The following RASEF variants were observed in gnomAD, a reference collection of about 807,000 sequenced individuals.
RASEF encodes RAS and EF-hand domain containing, also known as ras and EF-hand domain-containing protein.
Under a neutral mutation model 90.1 loss-of-function variants are expected in RASEF, and 68 were observed. The ratio of observed to expected loss-of-function variants is 0.75; its 90% confidence interval spans 0.62 to 0.92. The LOEUF is 0.92. Ranked by LOEUF, RASEF falls within the 40% of genes least tolerant of loss-of-function variation. The pLI is 0.00. For synonymous variants in RASEF, 331 were observed against 345.2 expected (o/e 0.96, Z 0.46); for missense variants, 949 against 937.2 (o/e 1.01, Z -0.16).
At chr9:83,025,277 C>T (rs1245660140) in intron 2 of RASEF, among the ~76,000 whole-genome samples, 2 of 152,090 alleles carry the variant, frequency 1.3e-5, no homozygotes, top group Non-Finnish European at 1.5e-5. Context: ...TGCTGAGCAC[C>T]CACCATGTGG....
chr9:83,192,726 A>T, the RASEF span, among the ~76,000 whole-genome samples: 1 of 151,964 alleles, frequency 6.6e-6, no homozygotes, highest in African/African-American at 2.4e-5. Flanking sequence ...AAAAAAAAAA[A>T]ATTCCATTAA....
At chr9:83,020,464 G>C (rs1829421549) in intron 3 of RASEF, among the ~76,000 whole-genome samples, 1 of 152,204 alleles carries the variant, frequency 6.6e-6, no homozygotes, top group South Asian at 2.1e-4. Flanking sequence ...TTAGAAAGGT[G>C]TGAGGCGGAC....
the RASEF span, among the ~76,000 whole-genome samples, chr9:83,105,265 CAA>C: frequency 2.6e-5 from 4 of 152,102 alleles, no homozygotes; most frequent in Admixed American, 6.5e-5. Flanking sequence ...CAAAGAGTCA[CAA>C]AGTCAAATGA....
At chr9:83,129,590 GA>G in the RASEF span, among the ~76,000 whole-genome samples, 1 of 152,160 alleles carries the variant, frequency 6.6e-6, no homozygotes, top group African/African-American at 2.4e-5. Flanking sequence ...ATATTAAATA[GA>G]AGCTTCATCA....
chr9:83,013,201 G>GAACAAC (rs201832525), intron 4 of RASEF, among the ~76,000 whole-genome samples: 4 of 151,796 alleles, frequency 2.6e-5, no homozygotes, highest in African/African-American at 4.8e-5. Flanking sequence ...ATAACCTGGA[G>GAACAAC]AACAACAACA....
At chr9:83,200,593 T>A in the RASEF span, among the ~76,000 whole-genome samples, 8 of 152,170 alleles carry the variant, frequency 5.3e-5, no homozygotes, top group Admixed American at 1.3e-4. Flanking sequence ...AATGCTATTG[T>A]CTCCCTTTGC....
At chr9:83,023,561 C>T (rs1829481838) in intron 2 of RASEF, among the ~76,000 whole-genome samples, 1 of 152,180 alleles carries the variant, frequency 6.6e-6, no homozygotes, top group African/African-American at 2.4e-5. Context: ...AGGAAAAAGA[C>T]CCCAAAGTAA....
chr9:83,197,778 C>T, the RASEF span, among the ~76,000 whole-genome samples: 1 of 152,034 alleles, frequency 6.6e-6, no homozygotes, highest in African/African-American at 2.4e-5. Context: ...CTTTTTGCTT[C>T]CGTTAGTCTG....
At chr9:83,063,949 G>A (rs1830259088), upstream of RASEF, among the ~76,000 whole-genome samples, 1 of 151,960 alleles carries the variant, frequency 6.6e-6, no homozygotes, top group African/African-American at 2.4e-5. Flanking sequence ...TTATGTAACC[G>A]TGCCTTTAGG....
At chr9:83,075,718 A>G in the RASEF span, among the ~76,000 whole-genome samples, 2 of 152,308 alleles carry the variant, frequency 1.3e-5, no homozygotes, top group African/African-American at 4.8e-5. Flanking sequence ...ATAATGGAGA[A>G]ATATACATTT....
At chr9:83,020,945 C>T (rs945249427) in intron 3 of RASEF, among the ~76,000 whole-genome samples, 1 of 152,182 alleles carries the variant, frequency 6.6e-6, no homozygotes, top group African/African-American at 2.4e-5. Context: ...TTATCCATTG[C>T]TCTGAAGCTG....
the RASEF span, among the ~76,000 whole-genome samples, chr9:83,157,202 G>A: frequency 6.6e-6 from 1 of 152,198 alleles, no homozygotes; most frequent in Non-Finnish European, 1.5e-5. Flanking sequence ...TAAGTGATAG[G>A]TTAGTGTGCG....
the RASEF span, among the ~76,000 whole-genome samples, chr9:83,178,597 G>A: frequency 6.6e-6 from 1 of 152,048 alleles, no homozygotes; most frequent in Admixed American, 6.6e-5. Flanking sequence ...CCAGCACCAC[G>A]AATCCAACTG....
At chr9:83,082,755 TTGACA>T in the RASEF span, among the ~76,000 whole-genome samples, 10 of 152,216 alleles carry the variant, frequency 6.6e-5, no homozygotes, top group African/African-American at 2.4e-4. Flanking sequence ...TCTATTTGTT[TTGACA>T]GTTTTTCTCA....
intron 4 of RASEF, among the ~76,000 whole-genome samples, 194 bp downstream of exon 4, chr9:83,015,611 C>T (rs765074746): frequency 7.2e-5 from 11 of 152,106 alleles, no homozygotes; most frequent in Admixed American, 1.3e-4. Flanking sequence ...ATCCAGGAGG[C>T]GGAGGTTGCA....
At chr9:82,997,496 G>A (rs1300143133) in intron 13 of RASEF, among the ~76,000 whole-genome samples, 1 of 152,146 alleles carries the variant, frequency 6.6e-6, no homozygotes, top group East Asian at 1.9e-4. Context: ...ATACGAACTA[G>A]AGAATACTTA....
chr9:83,166,878 A>T, the RASEF span, among the ~76,000 whole-genome samples: 1 of 152,144 alleles, frequency 6.6e-6, no homozygotes, highest in Non-Finnish European at 1.5e-5. Flanking sequence ...AACAGAGCAG[A>T]TCTCTTTATC....
chr9:83,176,993 A>G, the RASEF span, among the ~76,000 whole-genome samples: 1 of 151,998 alleles, frequency 6.6e-6, no homozygotes, highest in African/African-American at 2.4e-5. Context: ...TTGTATTACC[A>G]TCTCTTGTCA....
the RASEF span, among the ~76,000 whole-genome samples, chr9:83,126,042 C>T: frequency 6.6e-6 from 1 of 152,188 alleles, no homozygotes; most frequent in Admixed American, 6.5e-5. Context: ...GGGCCTCCCA[C>T]TGAAGAGCTA....
Sources: gnomAD v4.1 joint callset for allele counts (sites outside exome capture counted in the v4.1 genomes callset) on GRCh38, gnomAD v4.1.1 for gene constraint, MANE v1.5 for transcripts, NCBI Gene and HGNC (gene_info 2026-07-23, HGNC 2026-07-21) for gene names.